SERTM1: variants seen among roughly 807,000 people sequenced by gnomAD.
SERTM1 encodes the protein serine-rich and transmembrane domain-containing protein 1.
In SERTM1, 1 loss-of-function variant was observed where a neutral mutation model predicts 5.5. The ratio of observed to expected loss-of-function variants is 0.18; its 90% CI spans 0.06 to 0.86. The LOEUF is 0.86. SERTM1 is among the 40% of genes least tolerant of loss of function. SERTM1 has a pLI of 0.69. For synonymous variants in SERTM1, 52 were observed against 55.1 expected (o/e 0.94, Z 0.25); for missense variants, 91 against 122.4 (o/e 0.74, Z 1.21).
At chr13:36,677,911 C>A (rs1435987879) in intron 1 of SERTM1, among the ~76,000 whole-genome samples, 1 of 152,076 alleles carries the variant, frequency 6.6e-6, no homozygotes, top group Non-Finnish European at 1.5e-5. Flanking sequence ...AAATGCAATG[C>A]TACCTCCAAG....
chr13:36,695,293 C>T lies in SERTM1; in HGVS notation c.215C>T (p.Ser72Phe). ...ALQRLKNIIS[S>F]SSSYPEYPSD... ...CAGAGGCTCAAAAATATCATCTCCT[C>T]CAGTTCCTCCTACCCAGAGTATCCA... The change falls in exon 2 of 2, where the codon TCC (serine) becomes TTC (phenylalanine). Residue 72 changes from serine to phenylalanine, a missense_variant. Ser to Phe is a radical substitution (Grantham distance 155, BLOSUM62 -2). Transcript: ENST00000315190. The T allele has an allele frequency of 6.2e-7, 1 of 1,614,146 alleles. No individual in the cohort carries two copies. The highest frequency in any genetic ancestry group is 8.5e-7 in the Non-Finnish European group (1 of 1,179,988).
intron 1 of SERTM1, among the ~76,000 whole-genome samples, chr13:36,686,530 C>T (rs2056742352): frequency 6.6e-6 from 1 of 152,078 alleles, no homozygotes; most frequent in African/African-American, 2.4e-5. Context: ...TTTTGACACA[C>T]TTGTTTTATG....
intron 1 of SERTM1, among the ~76,000 whole-genome samples, chr13:36,690,962 T>C (rs1025772274): frequency 6.6e-6 from 1 of 152,228 alleles, no homozygotes; most frequent in African/African-American, 2.4e-5. Flanking sequence ...ACAAAGCAGC[T>C]TGTCCCAGTT....
At chr13:36,678,547 G>C (rs2056683345) in intron 1 of SERTM1, among the ~76,000 whole-genome samples, 1 of 151,866 alleles carries the variant, frequency 6.6e-6, no homozygotes, top group Admixed American at 6.6e-5. Context: ...GGAAAAATTA[G>C]CTAATGCATG....
rs200822418 is a variant in SERTM1, at chr13:36,697,310, T to C, written c.*1908T>C. On this transcript the variant is annotated 3_prime_UTR_variant, in exon 2 of 2. Transcript: ENST00000315190. ...ATATACGCACACACACACACACACA[T>C]AAATATATATATATATATATATATA... 5 of 110,724 alleles carry C rather than the reference T, an allele frequency of 4.5e-5. No individual in the cohort carries two copies. The highest frequency in any genetic ancestry group is 2.3e-4 in the African/African-American group (5 of 22,032). The allele number at this position is 110,724 out of a possible 1,614,324, so 6.9% of individuals were successfully genotyped here. A position where few individuals can be genotyped will look rare whatever the true frequency, so the allele number is the denominator to read the frequency against.
Position 36,695,893 on chromosome 13 carries a change from G to A in SERTM1, c.*491G>A, listed in dbSNP as rs2056810555. The A allele has an allele frequency of 5.9e-6, 1 of 168,074 alleles. No individual in the cohort carries two copies. The highest frequency in any genetic ancestry group is 2.4e-5 in the African/African-American group (1 of 41,474). The allele number at this position is 168,074 out of a possible 1,614,324, so 10.4% of individuals were successfully genotyped here. On this transcript the variant is annotated 3_prime_UTR_variant, in exon 2 of 2. Coordinates refer to ENST00000315190, the MANE Select transcript of SERTM1 (RefSeq NM_203451.3). ...GGAAGAGAGTCAATTTAGATTTAAT[G>A]TATGACATTTCTAAAACTGAGGGTA...
At chr13:36,694,725 TTCATTTTTATATCA>T (rs1358896067) in intron 1 of SERTM1, among the ~76,000 whole-genome samples, 167 bp from the exon 2 acceptor site, 1 of 152,234 alleles carries the variant, frequency 6.6e-6, no homozygotes, top group Non-Finnish European at 1.5e-5. Context: ...AAAATAAACG[TTCATTTTTATATCA>T]TCATTTGTAA....
intron 1 of SERTM1, among the ~76,000 whole-genome samples, chr13:36,686,768 T>G (rs1219905281): frequency 6.6e-6 from 1 of 152,162 alleles, no homozygotes; most frequent in African/African-American, 2.4e-5. Context: ...ATAATGTGCT[T>G]TATAACAAAG....
rs1270638917 is a variant in SERTM1, at chr13:36,687,373, T to C, written c.-173-7533T>C. ...ACATGATTACGGTTGTCAATAGAGATAGATATAAATAGTGACCTGTGTAAT... is the reference window on the plus strand; with the variant it reads ...ACATGATTACGGTTGTCAATAGAGACAGATATAAATAGTGACCTGTGTAAT... On this transcript the variant is annotated intron_variant, in intron 1 of 1. Coordinates refer to ENST00000315190, the MANE Select transcript of SERTM1 (RefSeq NM_203451.3). Among the ~76,000 whole-genome samples, 4 of 152,170 alleles carry C rather than the reference T, an allele frequency of 2.6e-5. No homozygotes were observed. The East Asian group carries it at 5.8e-4, about 22-fold the overall frequency.
chr13:36,678,544 T>C (rs1244753350), intron 1 of SERTM1, among the ~76,000 whole-genome samples: 1 of 151,480 alleles, frequency 6.6e-6, no homozygotes, highest in African/African-American at 2.4e-5. Context: ...TCAGGAAAAA[T>C]TAGCTAATGC....
intron 1 of SERTM1, among the ~76,000 whole-genome samples, chr13:36,683,210 T>C (rs777369848): frequency 6.6e-6 from 1 of 152,198 alleles, no homozygotes; most frequent in African/African-American, 2.4e-5. Flanking sequence ...CTCATCATAT[T>C]TGAGCTTGTT....
At chr13:36,680,143 A>G (rs1312329930) in intron 1 of SERTM1, among the ~76,000 whole-genome samples, 5 of 152,194 alleles carry the variant, frequency 3.3e-5, no homozygotes, top group Non-Finnish European at 5.9e-5. Context: ...GGGATACTCA[A>G]TCTGTACCCT....
rs2138102372 is a variant in SERTM1, at chr13:36,695,440, G to GA, written c.*39dup. 6.6e-7 allele frequency: 1 copy of GA among 1,507,620 alleles called. No individual in the cohort carries two copies. Among genetic ancestry groups the GA allele is most frequent in the African/African-American group, 1.4e-5 (1 of 72,386 alleles). 93.4% of individuals were successfully genotyped at this position (1,507,620 alleles called of 1,614,324 possible). A position where few individuals can be genotyped will look rare whatever the true frequency, so the allele number is the denominator to read the frequency against. On this transcript the variant is annotated 3_prime_UTR_variant, in exon 2 of 2. Coordinates refer to ENST00000315190, the MANE Select transcript of SERTM1 (RefSeq NM_203451.3). ...AGTCCTTGAGTGTGGCAGCAGTTTT[G>GA]ACATCCCCTTACGGAAGTGTCCCGT...
chr13:36,684,266 C>T (rs1230591386), intron 1 of SERTM1, among the ~76,000 whole-genome samples: 3 of 151,940 alleles, frequency 2.0e-5, no homozygotes, highest in African/African-American at 7.3e-5. Context: ...CACTGCACTC[C>T]AGCCTGGGCG....
At chr13:36,674,767 CTT>C (rs748689693) in intron 1 of SERTM1, among the ~76,000 whole-genome samples, 3 of 152,124 alleles carry the variant, frequency 2.0e-5, no homozygotes, top group Non-Finnish European at 4.4e-5. Flanking sequence ...GCTGGAGAGT[CTT>C]TTCGCCCGTC....
intron 1 of SERTM1, among the ~76,000 whole-genome samples, chr13:36,674,845 T>C (rs2056660017): frequency 6.6e-6 from 1 of 152,078 alleles, no homozygotes; most frequent in South Asian, 2.1e-4. Flanking sequence ...CCAGGGGCGT[T>C]TTCCCTAGCT....
chr13:36,678,638 C>T (rs1417887441), intron 1 of SERTM1, among the ~76,000 whole-genome samples: 1 of 141,648 alleles, frequency 7.1e-6, no homozygotes, highest in Non-Finnish European at 1.6e-5. Flanking sequence ...CAAACCTACA[C>T]GTCCTGCACA....
At chr13:36,677,395 T>TA (rs1240530698) in intron 1 of SERTM1, among the ~76,000 whole-genome samples, 1 of 152,228 alleles carries the variant, frequency 6.6e-6, no homozygotes, top group Non-Finnish European at 1.5e-5. Context: ...TCCTAACTTT[T>TA]AAATTCCCAA....
intron 1 of SERTM1, among the ~76,000 whole-genome samples, chr13:36,693,893 G>A (rs1239892219): frequency 1.3e-5 from 2 of 152,128 alleles, no homozygotes; most frequent in Admixed American, 1.3e-4. Flanking sequence ...TATCAGGAGG[G>A]ATCCTCTTGT....
Sources: allele counts gnomAD v4.1 joint callset (sites outside exome capture counted in the v4.1 genomes callset), GRCh38; gene constraint gnomAD v4.1.1; transcripts MANE v1.5; gene names NCBI Gene and HGNC (gene_info 2026-07-23, HGNC 2026-07-21).